Variants in FNDC3B observed in about 807,000 individuals in gnomAD.
The protein encoded by FNDC3B is fibronectin type III domain-containing protein 3B.
In FNDC3B, 12 loss-of-function variants were observed where a neutral mutation model predicts 151.5. That is an observed-to-expected ratio of 0.08 (90% CI 0.05 to 0.13). The LOEUF is 0.13. FNDC3B is among the 10% of genes least tolerant of loss of function. The probability of loss-of-function intolerance (pLI) is 1.00; values close to 1 mark genes in which losing one functional copy is unlikely to be tolerated. For missense variants in FNDC3B, 1,214 were observed against 1,505.3 expected (o/e 0.81, Z 3.20); for synonymous variants, 528 against 549.0 (o/e 0.96, Z 0.54).
chr3:172,273,514 A>G (rs556008052), intron 6 of FNDC3B, among the ~76,000 whole-genome samples: 18 of 152,346 alleles, frequency 1.2e-4, no homozygotes, highest in African/African-American at 3.6e-4. Context: ...GCACAGAGCA[A>G]CTGTTTGCCC....
intron 13 of FNDC3B, among the ~76,000 whole-genome samples, chr3:172,331,031 G>A (rs1379906904): frequency 6.6e-6 from 1 of 152,124 alleles, no homozygotes; most frequent in Non-Finnish European, 1.5e-5. Context: ...ATCCTTTTAT[G>A]AGCCACTCAT....
intron 22 of FNDC3B, among the ~76,000 whole-genome samples, chr3:172,355,042 C>T (rs1256846191): frequency 1.3e-5 from 2 of 151,554 alleles, no homozygotes; most frequent in African/African-American, 2.4e-5. Context: ...AGCAAACTAC[C>T]CATTGGCTTG....
chr3:172,089,105 A>G (rs949808340), intron 1 of FNDC3B, among the ~76,000 whole-genome samples: 11 of 152,220 alleles, frequency 7.2e-5, no homozygotes, highest in Non-Finnish European at 2.9e-5. Context: ...TGAGCTCTCA[A>G]AATTCATAGT....
chr3:172,134,702 T>C (rs1046042869), intron 3 of FNDC3B, among the ~76,000 whole-genome samples: 17 of 152,120 alleles, frequency 1.1e-4, no homozygotes, highest in African/African-American at 4.1e-4. Context: ...GATTCAAGGC[T>C]AATGAGTTTT....
chr3:172,181,415 C>CAA (rs1283436921), intron 3 of FNDC3B, among the ~76,000 whole-genome samples: 6 of 101,124 alleles, frequency 5.9e-5, no homozygotes, highest in Non-Finnish European at 1.2e-4. Flanking sequence ...AAAAAAAAAA[C>CAA]AAAAAAAAAC....
chr3:172,388,111 G>T (rs555564640), intron 25 of FNDC3B, among the ~76,000 whole-genome samples: 10 of 152,306 alleles, frequency 6.6e-5, no homozygotes, highest in South Asian at 4.1e-4. Context: ...AGAAGGAGGT[G>T]TACAGATGAT....
chr3:172,126,325 G>A (rs1481732673), intron 2 of FNDC3B, among the ~76,000 whole-genome samples: 2 of 152,180 alleles, frequency 1.3e-5, no homozygotes, highest in Non-Finnish European at 2.9e-5. Context: ...GTAGAGGCTA[G>A]TGTCAGTCTT....
At chr3:172,387,575 T>G (rs1337395475) in intron 25 of FNDC3B, among the ~76,000 whole-genome samples, 4 of 152,264 alleles carry the variant, frequency 2.6e-5, no homozygotes, top group African/African-American at 9.6e-5. Flanking sequence ...TTTATTTTAC[T>G]GATTCTTAGG....
intron 25 of FNDC3B, among the ~76,000 whole-genome samples, chr3:172,383,168 C>T (rs956499017): frequency 1.3e-5 from 2 of 152,064 alleles, no homozygotes; most frequent in Non-Finnish European, 2.9e-5. Context: ...GTAGTTCTCC[C>T]TGAAGAGGTC....
At position 172,045,782 on chromosome 3, in the gene FNDC3B, CTCTCTCTCTCTCTA is replaced by C. The variant is rs1384499159; in HGVS notation, c.-29+6013_-29+6026del. 1.4e-3 allele frequency among the ~76,000 whole-genome samples: 213 copies of C among 151,266 alleles called. 1 individual carries two copies. Among genetic ancestry groups the C allele is most frequent in the African/African-American group, 4.7e-3 (193 of 40,778 alleles). The stretch of plus-strand genomic sequence containing the variant: ...TTACTGAGTGTCTCTCTCTCTCTCT[CTCTCTCTCTCTCTA>C]TATATATATATACACTTTGCCTTAA... On this transcript the variant is annotated intron_variant, in intron 1 of 25. Coordinates refer to ENST00000415807, the MANE Select transcript of FNDC3B (RefSeq NM_022763.4).
chr3:172,218,614 G>A (rs1285354202), intron 3 of FNDC3B, among the ~76,000 whole-genome samples: 2 of 152,170 alleles, frequency 1.3e-5, no homozygotes, highest in African/African-American at 2.4e-5. Flanking sequence ...CACAGTGCTA[G>A]GTACTTTATA....
chr3:172,337,315 T>C lies in FNDC3B; in HGVS notation c.1781-15T>C. The C allele has an allele frequency of 6.4e-7, 1 of 1,562,032 alleles. No individual in the cohort carries two copies. The highest frequency in any genetic ancestry group is 8.8e-7 in the Non-Finnish European group (1 of 1,136,284). On this transcript the variant is annotated splice_polypyrimidine_tract_variant and intron_variant, in intron 15 of 25. Coordinates refer to ENST00000415807, the MANE Select transcript of FNDC3B (RefSeq NM_022763.4). ...TATCCTTTTATTGCTAATAAGACAT[T>C]TGGTTATTTTCCAGATCCCCCTAAG...
chr3:172,286,855 G>A (rs74656647), intron 7 of FNDC3B, among the ~76,000 whole-genome samples: 4,046 of 152,256 alleles, frequency 0.027, 170 homozygotes, highest in African/African-American at 0.092. Context: ...TGGTGGATGA[G>A]TTGGAGTGAG....
chr3:172,096,988 T>C (rs925161240), intron 1 of FNDC3B, among the ~76,000 whole-genome samples: 2 of 152,224 alleles, frequency 1.3e-5, no homozygotes, highest in Non-Finnish European at 2.9e-5. Context: ...GACCCCACCC[T>C]GTACTTTTCA....
At chr3:172,260,601 T>C (rs1244045972) in intron 6 of FNDC3B, among the ~76,000 whole-genome samples, 2 of 152,224 alleles carry the variant, frequency 1.3e-5, no homozygotes, top group Non-Finnish European at 2.9e-5. Flanking sequence ...TATTATAACC[T>C]CAGCTTGTGA....
At chr3:172,378,088 A>T (rs1231278396) in intron 23 of FNDC3B, among the ~76,000 whole-genome samples, 182 bp from the exon 24 acceptor site, 1 of 152,172 alleles carries the variant, frequency 6.6e-6, no homozygotes, top group East Asian at 1.9e-4. Flanking sequence ...TTTTTCTTTT[A>T]TCAAAACATA....
At chr3:172,108,606 A>G (rs1156918502) in intron 1 of FNDC3B, among the ~76,000 whole-genome samples, 1 of 152,216 alleles carries the variant, frequency 6.6e-6, no homozygotes, top group Non-Finnish European at 1.5e-5. Context: ...TGCTGTGACT[A>G]TAGAGTGATG....
At chr3:172,049,528 TTTTG>T (rs979321598) in intron 1 of FNDC3B, among the ~76,000 whole-genome samples, 4 of 152,138 alleles carry the variant, frequency 2.6e-5, no homozygotes, top group African/African-American at 7.2e-5. Context: ...AAACATTGTT[TTTTG>T]TTTCTTTTTT....
At chr3:172,347,187 A>T (rs984503699) in intron 20 of FNDC3B, 25 bp from the exon 21 acceptor site, 1 of 1,598,338 alleles carries the variant, frequency 6.3e-7, no homozygotes, top group Admixed American at 1.7e-5. Flanking sequence ...GGCATTATTA[A>T]CTACTTCCAT....
Sources: allele counts gnomAD v4.1 joint callset (sites outside exome capture counted in the v4.1 genomes callset), GRCh38; gene constraint gnomAD v4.1.1; transcripts MANE v1.5; gene names NCBI Gene and HGNC (gene_info 2026-07-23, HGNC 2026-07-21).